Variants in HERC3 observed in about 807,000 individuals in gnomAD.
HERC3 encodes probable E3 ubiquitin-protein ligase HERC3.
A neutral mutation model predicts 129.9 loss-of-function variants in HERC3; 58 were observed. The observed-to-expected ratio is 0.45, with a 90% CI of 0.36 to 0.56. The LOEUF is 0.56. Ranked by LOEUF, HERC3 falls within the 20% of genes least tolerant of loss-of-function variation. The pLI is 0.00. For synonymous variants in HERC3, 430 were observed against 451.0 expected (o/e 0.95, Z 0.59); for missense variants, 835 against 1,244.2 (o/e 0.67, Z 4.95).
the HERC3 span, among the ~76,000 whole-genome samples, chr4:88,539,793 CAG>C: frequency 1.3e-5 from 2 of 152,204 alleles, no homozygotes; most frequent in Non-Finnish European, 1.5e-5. Context: ...CCCAGGAAAA[CAG>C]GGTCTGGAGT....
the HERC3 span, among the ~76,000 whole-genome samples, chr4:88,555,070 G>C: frequency 2.2e-4 from 34 of 152,180 alleles, no homozygotes; most frequent in Admixed American, 1.8e-3. Flanking sequence ...CAGATCATGA[G>C]GTCAAGAGAT....
At chr4:88,563,080 A>T in the HERC3 span, among the ~76,000 whole-genome samples, 2 of 152,156 alleles carry the variant, frequency 1.3e-5, no homozygotes, top group African/African-American at 2.4e-5. Flanking sequence ...GAATCTGTAG[A>T]TTGCTTTGGG....
At chr4:88,675,016 A>G (rs1249836658) in intron 16 of HERC3, among the ~76,000 whole-genome samples, 1 of 152,248 alleles carries the variant, frequency 6.6e-6, no homozygotes, top group Non-Finnish European at 1.5e-5. Flanking sequence ...AACCAAATTT[A>G]TAAATTAAAT....
chr4:88,552,025 A>T, the HERC3 span, among the ~76,000 whole-genome samples: 12 of 151,836 alleles, frequency 7.9e-5, no homozygotes, highest in Admixed American at 7.9e-4. Flanking sequence ...TCAGTAAACT[A>T]TCGCAAGGAC....
chr4:88,686,588 A>G lies in HERC3; in HGVS notation c.2508-148A>G, dbSNP rs1301298990. ...ATTCTCTGCAAGGTGTAGGTACATG[A>G]TTTTCTGTCCGTCCGGATTTATGTT... On this transcript the variant is annotated intron_variant, in intron 21 of 25. Coordinates refer to ENST00000402738, the MANE Select transcript of HERC3 (RefSeq NM_014606.3). 6 of 564,142 alleles carry G rather than the reference A, an allele frequency of 1.1e-5. No homozygotes were observed. In the South Asian group the frequency reaches 1.3e-4, roughly 12 times the overall value. 34.9% of individuals were successfully genotyped at this position (564,142 alleles called of 1,614,324 possible).
At chr4:88,699,430 C>T (rs1735120556) in intron 23 of HERC3, among the ~76,000 whole-genome samples, 1 of 138,712 alleles carries the variant, frequency 7.2e-6, no homozygotes. Flanking sequence ...CCACCTTCCC[C>T]CAACCGTCTT....
the HERC3 span, among the ~76,000 whole-genome samples, chr4:88,534,555 G>T: frequency 2.0e-5 from 3 of 151,810 alleles, no homozygotes; most frequent in Non-Finnish European, 4.4e-5. Context: ...TGACTAAAAG[G>T]ATCTCATACT....
At chr4:88,706,650 C>A (rs1578362746) in intron 25 of HERC3, 102 bp from the exon 26 acceptor site, 2 of 850,936 alleles carry the variant, frequency 2.4e-6, no homozygotes, top group Non-Finnish European at 3.8e-6. Context: ...ACTTCTCATG[C>A]AAGCCACAGG....
At chr4:88,543,270 C>T in the HERC3 span, among the ~76,000 whole-genome samples, 1 of 152,154 alleles carries the variant, frequency 6.6e-6, no homozygotes, top group South Asian at 2.1e-4. Flanking sequence ...GTGCAAATAT[C>T]ACAAGCATTC....
intron 23 of HERC3, among the ~76,000 whole-genome samples, chr4:88,694,341 T>G (rs1468488433): frequency 2.6e-5 from 4 of 152,254 alleles, no homozygotes; most frequent in Admixed American, 2.6e-4. Flanking sequence ...TCATAGGAAC[T>G]CTTCATTATG....
the HERC3 span, among the ~76,000 whole-genome samples, chr4:88,563,520 A>G: frequency 6.6e-6 from 1 of 152,182 alleles, no homozygotes; most frequent in African/African-American, 2.4e-5. Flanking sequence ...TGCTCTAGCT[A>G]GGACTTCCAG....
Position 88,661,991 on chromosome 4 carries a change from C to T in HERC3, c.1147-440C>T, listed in dbSNP as rs540122164. On this transcript the variant is annotated intron_variant, in intron 10 of 25. Coordinates refer to ENST00000402738, the MANE Select transcript of HERC3 (RefSeq NM_014606.3). ...AGTTGGTTTCTCTGGGAAACAGACC[C>T]GAGACTCAAAGGTTTTTGGGAGAGT... 6.6e-5 allele frequency among the ~76,000 whole-genome samples: 10 copies of T among 152,180 alleles called. No individual in the cohort carries two copies. The East Asian group carries it at 1.5e-3, about 23-fold the overall frequency.
chr4:88,545,097 G>A, the HERC3 span, among the ~76,000 whole-genome samples: 1 of 152,008 alleles, frequency 6.6e-6, no homozygotes, highest in Admixed American at 6.6e-5. Flanking sequence ...AGGCACTGGG[G>A]GTTAGGACTT....
chr4:88,681,203 T>G lies in HERC3; in HGVS notation c.2385T>G (p.Cys795Trp). Residue 795 changes from cysteine to tryptophan, a missense_variant, in exon 21 of 26, where the codon TGT becomes TGG. Cys to Trp is a radical substitution (Grantham distance 215). Transcript: ENST00000402738. Reference protein sequence around the residue: ...HNWFHLIGITCGLAIYNSTVV... With the variant: ...HNWFHLIGITWGLAIYNSTVV... ...GGTTTCACTTGATTGGTATAACCTGTGGACTAGCTATCTACAACTCCACTG... is the reference window on the plus strand; with the variant it reads ...GGTTTCACTTGATTGGTATAACCTGGGGACTAGCTATCTACAACTCCACTG... The G allele has an allele frequency of 6.2e-7, 1 of 1,614,092 alleles. No homozygotes were observed. Among genetic ancestry groups the G allele is most frequent in the Admixed American group, 1.7e-5 (1 of 60,026 alleles).
chr4:88,602,141 C>CTG (rs1302566101), intron 2 of HERC3, among the ~76,000 whole-genome samples: 1 of 151,658 alleles, frequency 6.6e-6, no homozygotes, highest in Non-Finnish European at 1.5e-5. Flanking sequence ...TGGCTCACAC[C>CTG]TGTGATCCAA....
At chr4:88,541,331 A>C in the HERC3 span, among the ~76,000 whole-genome samples, 3 of 152,206 alleles carry the variant, frequency 2.0e-5, no homozygotes, top group African/African-American at 2.4e-5. Context: ...AACAAAGATC[A>C]AAAGAGACAA....
chr4:88,557,691 AC>A, the HERC3 span, among the ~76,000 whole-genome samples: 1 of 152,214 alleles, frequency 6.6e-6, no homozygotes, highest in Non-Finnish European at 1.5e-5. Flanking sequence ...AAAAGGGAAC[AC>A]TTTTACAATG....
chr4:88,678,473 A>G (rs1484397322), intron 19 of HERC3, among the ~76,000 whole-genome samples: 1 of 152,240 alleles, frequency 6.6e-6, no homozygotes, highest in African/African-American at 2.4e-5. Context: ...GGAAGATTGT[A>G]GATATCAAAG....
At chr4:88,547,496 C>T in the HERC3 span, among the ~76,000 whole-genome samples, 2 of 152,130 alleles carry the variant, frequency 1.3e-5, no homozygotes, top group African/African-American at 4.8e-5. Flanking sequence ...TACTTATTAG[C>T]ACTTACTCCC....
Sources: gnomAD v4.1 joint callset for allele counts (sites outside exome capture counted in the v4.1 genomes callset) on GRCh38, gnomAD v4.1.1 for gene constraint, MANE v1.5 for transcripts, NCBI Gene and HGNC (gene_info 2026-07-23, HGNC 2026-07-21) for gene names.